BZW1: variants seen among roughly 807,000 people sequenced by gnomAD.
BZW1 encodes basic leucine zipper and W2 domains 1.
In BZW1, 3 loss-of-function variants were observed where a neutral mutation model predicts 54.1. The observed-to-expected ratio is 0.06, with a 90% confidence interval of 0.03 to 0.14. The LOEUF is 0.14. Ranked by LOEUF, BZW1 falls within the 10% of genes least tolerant of loss-of-function variation. BZW1 has a pLI of 1.00. For missense variants in BZW1, 206 were observed against 491.7 expected, an observed-to-expected ratio of 0.42 and a Z score of 5.50; for synonymous variants, 152 against 162.7, an observed-to-expected ratio of 0.93 and a Z score of 0.50.
rs750403466 is a variant in BZW1, at chr2:200,816,317, C to T, written c.337-8C>T. On this transcript the variant is annotated splice_polypyrimidine_tract_variant and splice_region_variant and intron_variant, in intron 4 of 11. Transcript: ENST00000409600. Reference sequence around the variant, plus strand: ...GAAGTTACTGAATTCATTTAATGTTCTTCATAGGTTTTTAACAAGTTAATC... The same window carrying T: ...GAAGTTACTGAATTCATTTAATGTTTTTCATAGGTTTTTAACAAGTTAATC... The T allele has an allele frequency of 1.3e-6, 2 of 1,574,748 alleles. No individual in the cohort carries two copies. The highest frequency in any genetic ancestry group is 1.2e-5 in the South Asian group (1 of 86,426).
chr2:200,812,913 G>A (rs760293979), intron 1 of BZW1: 1 of 661,736 alleles, frequency 1.5e-6, no homozygotes, highest in Non-Finnish European at 2.9e-6. Flanking sequence ...GGAATGTGGA[G>A]AAAACTGAAC....
rs555385389 is a variant in BZW1 at position 200,814,915 on chromosome 2, C to G, written c.65-426C>G. On this transcript the variant is annotated intron_variant, in intron 2 of 11. Transcript: ENST00000409600. ...TGCTCATTAAATGTACTTTCTAAAG[C>G]TCACCTTCATAAATGCCAAAGGATT... Among the ~76,000 whole-genome samples the G allele has an allele frequency of 3.9e-4, 59 of 152,334 alleles. 1 individual carries two copies. In the Middle Eastern group the frequency reaches 0.01, roughly 26 times the overall value.
At position 200,820,135 on chromosome 2, in the gene BZW1, G is replaced by T; in HGVS notation, c.1105+15G>T. On this transcript the variant is annotated intron_variant, in intron 10 of 11. Transcript: ENST00000409600. ...TTTTTATAAAGGTAATTTAGATTTT[G>T]AATTTTGTAAATAACACTTAATAAA... is the stretch of plus-strand genomic sequence containing the variant. 3.3e-6 allele frequency: 5 copies of T among 1,515,666 alleles called. No homozygotes were observed. The highest frequency in any genetic ancestry group is 1.3e-5 in the South Asian group (1 of 78,408). The allele number at this position is 1,515,666 out of a possible 1,614,324, so 93.9% of individuals were successfully genotyped here. A position where few individuals can be genotyped will look rare whatever the true frequency, so the allele number is the denominator to read the frequency against.
At position 200,822,232 on chromosome 2, in the gene BZW1, T is replaced by C; in HGVS notation, c.*54T>C. The stretch of plus-strand genomic sequence containing the variant: ...AACAGGAGTTGTAGATAAAATGTCA[T>C]GTCTCATGTGTCCTGGTTCTTACAT... On this transcript the variant is annotated 3_prime_UTR_variant, in exon 12 of 12. Coordinates refer to ENST00000409600, the MANE Select transcript of BZW1 (RefSeq NM_001207067.2). The C allele has an allele frequency of 6.9e-7, 1 of 1,446,978 alleles. No individual in the cohort carries two copies. The highest frequency in any genetic ancestry group is 1.2e-5 in the South Asian group (1 of 83,106). The allele number at this position is 1,446,978 out of a possible 1,614,324, so 89.6% of individuals were successfully genotyped here. A position where few individuals can be genotyped will look rare whatever the true frequency, so the allele number is the denominator to read the frequency against.
rs2038695080 is a variant in BZW1 at position 200,826,397 on chromosome 2, ATAGATAGATATTTTTTTTTTTTTT to A, written c.*4221_*4244del. 16 of 63,378 alleles carry A rather than the reference ATAGATAGATATTTTTTTTTTTTTT, an allele frequency of 2.5e-4. No homozygotes were observed. Among genetic ancestry groups the A allele is most frequent in the African/African-American group, 6.5e-4 (12 of 18,490 alleles). The allele number at this position is 63,378 out of a possible 1,614,324, so 3.9% of individuals were successfully genotyped here. Reference sequence around the variant, plus strand: ...TATAGATAGATAGATAGATAGATAGATAGATAGATATTTTTTTTTTTTTTTTTTTTTTTTTTTTTTTTTTTGAGA... The same window carrying A: ...TATAGATAGATAGATAGATAGATAGATTTTTTTTTTTTTTTTTTTTTGAGA... On this transcript the variant is annotated 3_prime_UTR_variant, in exon 12 of 12. Coordinates refer to ENST00000409600, the MANE Select transcript of BZW1 (RefSeq NM_001207067.2).
At position 200,815,775 on chromosome 2, in the gene BZW1, T is replaced by G. The variant is rs748304934; in HGVS notation, c.336+14T>G. 2.0e-6 allele frequency: 3 copies of G among 1,525,868 alleles called. No individual in the cohort carries two copies. The South Asian group carries it at 3.8e-5, about 19-fold the overall frequency. 94.5% of individuals were successfully genotyped at this position (1,525,868 alleles called of 1,614,324 possible). On this transcript the variant is annotated intron_variant, in intron 4 of 11. Transcript: ENST00000409600. ...GCATTTGCTCAGGTAAATGAAACTTTACATAATTGTTTTCAGTTGGCTACT... is the reference window on the plus strand; with the variant it reads ...GCATTTGCTCAGGTAAATGAAACTTGACATAATTGTTTTCAGTTGGCTACT...
In BZW1 at chr2:200,826,228, C is replaced by G. The variant is rs1230806214; in HGVS notation, c.*4050C>G. 1 of 152,034 alleles carries G rather than the reference C, an allele frequency of 6.6e-6. No individual in the cohort carries two copies. The highest frequency in any genetic ancestry group is 1.5e-5 in the Non-Finnish European group (1 of 68,014). 9.4% of individuals were successfully genotyped at this position (152,034 alleles called of 1,614,324 possible). A position where few individuals can be genotyped will look rare whatever the true frequency, so the allele number is the denominator to read the frequency against. On this transcript the variant is annotated 3_prime_UTR_variant, in exon 12 of 12. Coordinates refer to ENST00000409600, the MANE Select transcript of BZW1 (RefSeq NM_001207067.2). ...CAGAAAGGCTTTCTGACTCCTTTCTCTTCACTTTTTTCTCCCAGCTTAACT... is the reference window on the plus strand; with the variant it reads ...CAGAAAGGCTTTCTGACTCCTTTCTGTTCACTTTTTTCTCCCAGCTTAACT...
chr2:200,815,668 C>T lies in BZW1; in HGVS notation c.243C>T (p.Ala81=). Residue 81 remains alanine, a splice_region_variant and synonymous_variant, in exon 4 of 12, where the codon GCC becomes GCT. Transcript: ENST00000409600. ...TATTTTGGTTTTATCCAACTTTAGCCCCAGGTGGTACACTGGCAGATGACA... is the reference window on the plus strand; with the variant it reads ...TATTTTGGTTTTATCCAACTTTAGCTCCAGGTGGTACACTGGCAGATGACA... ...FDILVAGGML[A]PGGTLADDMM... 1.3e-6 allele frequency: 2 copies of T among 1,591,938 alleles called. No homozygotes were observed. The highest frequency in any genetic ancestry group is 1.7e-6 in the Non-Finnish European group (2 of 1,168,536).
At chr2:200,812,793 G>A (rs1325490561) in intron 1 of BZW1, 6 of 697,046 alleles carry the variant, frequency 8.6e-6, no homozygotes, top group Non-Finnish European at 2.7e-6. Context: ...CCTTTTGACA[G>A]TGTTTTAGAA....
chr2:200,812,458 C>A, intron 1 of BZW1: 1 of 1,339,806 alleles, frequency 7.5e-7, no homozygotes, highest in South Asian at 1.9e-5. Flanking sequence ...TGACTGTGGT[C>A]CGCTCGTTGC....
intron 6 of BZW1, 151 bp from the exon 7 acceptor site, chr2:200,817,823 G>A: frequency 1.7e-6 from 1 of 572,946 alleles, no homozygotes; most frequent in Non-Finnish European, 3.1e-6. Context: ...TTGGAGAAGT[G>A]ATAAACTGTG....
In BZW1 at chr2:200,826,412, T is replaced by G. The variant is rs1040817212; in HGVS notation, c.*4234T>G. The G allele has an allele frequency of 2.5e-4, 10 of 39,442 alleles. No individual in the cohort carries two copies. The highest frequency in any genetic ancestry group is 1.3e-3 in the African/African-American group (10 of 7,878). The allele number at this position is 39,442 out of a possible 1,614,324, so 2.4% of individuals were successfully genotyped here. On this transcript the variant is annotated 3_prime_UTR_variant, in exon 12 of 12. Coordinates refer to ENST00000409600, the MANE Select transcript of BZW1 (RefSeq NM_001207067.2). ...AGATAGATAGATAGATAGATATTTTTTTTTTTTTTTTTTTTTTTTTTTTTT... is the reference window on the plus strand; with the variant it reads ...AGATAGATAGATAGATAGATATTTTGTTTTTTTTTTTTTTTTTTTTTTTTT...
rs749478280 is a variant in BZW1 at position 200,815,739 on chromosome 2, A to T, written c.314A>T (p.Glu105Val). 10 of 1,577,538 alleles carry T rather than the reference A, an allele frequency of 6.3e-6. No homozygotes were observed. The highest frequency in any genetic ancestry group is 8.6e-6 in the Non-Finnish European group (10 of 1,162,334). The stretch of plus-strand genomic sequence containing the variant: ...GTGTTTGCAGCCCAAGAAGATCTAG[A>T]GACCATGCAAGCATTTGCTCAGGTA... ...VCVFAAQEDL[E>V]TMQAFAQVFN... The change falls in exon 4 of 12, where the codon GAG (glutamate) becomes GTG (valine). Residue 105 changes from glutamate to valine, a missense_variant. Transcript: ENST00000409600.
At chr2:200,812,331 G>T in intron 1 of BZW1, 3 of 1,259,442 alleles carry the variant, frequency 2.4e-6, no homozygotes, top group Non-Finnish European at 2.0e-6. Context: ...GGCTTCCGGC[G>T]GGCGGGGCGG....
rs754502750 is a variant in BZW1, at chr2:200,818,909, A to G, written c.966+8A>G. 1 of 1,558,368 alleles carries G rather than the reference A, an allele frequency of 6.4e-7. No individual in the cohort carries two copies. Among genetic ancestry groups the G allele is most frequent in the East Asian group, 2.3e-5 (1 of 43,346 alleles). The stretch of plus-strand genomic sequence containing the variant: ...GCCATCAAGCACTTGAAGGTATTAG[A>G]ACTATGCCTTGACAAAACAAACTAT... On this transcript the variant is annotated splice_region_variant and intron_variant, in intron 9 of 11. Transcript: ENST00000409600.
rs1011415758 is a variant in BZW1 at position 200,822,255 on chromosome 2, C to G, written c.*77C>G. On this transcript the variant is annotated 3_prime_UTR_variant, in exon 12 of 12. Coordinates refer to ENST00000409600, the MANE Select transcript of BZW1 (RefSeq NM_001207067.2). ...CATGTCTCATGTGTCCTGGTTCTTA[C>G]ATCTTCCTACCTCCCTGTATCAAGC... The G allele has an allele frequency of 1.6e-6, 2 of 1,256,784 alleles. 1 individual carries two copies. The highest frequency in any genetic ancestry group is 2.6e-5 in the South Asian group (2 of 78,082). The allele number at this position is 1,256,784 out of a possible 1,614,324, so 77.9% of individuals were successfully genotyped here. A position where few individuals can be genotyped will look rare whatever the true frequency, so the allele number is the denominator to read the frequency against.
rs979111731 is a variant in BZW1, at chr2:200,827,305, A to C, written c.*5127A>C. On this transcript the variant is annotated 3_prime_UTR_variant, in exon 12 of 12. Transcript: ENST00000409600. ...TGTCTGTACCCTTGAAATGGAATAA[A>C]ATTTCATGAGACTCCTTGTTAATGT... 6.6e-6 allele frequency: 1 copy of C among 152,188 alleles called. No individual in the cohort carries two copies. The highest frequency in any genetic ancestry group is 1.5e-5 in the Non-Finnish European group (1 of 68,030). The allele number at this position is 152,188 out of a possible 1,614,324, so 9.4% of individuals were successfully genotyped here.
At chr2:200,813,497 C>A in intron 2 of BZW1, 1 of 400,060 alleles carries the variant, frequency 2.5e-6, no homozygotes, top group Non-Finnish European at 4.5e-6. Flanking sequence ...ATCTCTAAGC[C>A]GGTTAGTGAA....
In BZW1 at chr2:200,827,076, G is replaced by A. The variant is rs923562656; in HGVS notation, c.*4898G>A. ...TACTCAACAGTCTCTGGCATTTGAA[G>A]AACAAAATATTTTCTCTGTAAATAC... is the stretch of plus-strand genomic sequence containing the variant. On this transcript the variant is annotated 3_prime_UTR_variant, in exon 12 of 12. Transcript: ENST00000409600. The A allele has an allele frequency of 9.2e-5, 14 of 151,994 alleles. No homozygotes were observed. Among genetic ancestry groups the A allele is most frequent in the Non-Finnish European group, 2.1e-4 (14 of 68,006 alleles). 9.4% of individuals were successfully genotyped at this position (151,994 alleles called of 1,614,324 possible). A position where few individuals can be genotyped will look rare whatever the true frequency, so the allele number is the denominator to read the frequency against.
Sources: gnomAD v4.1 joint callset for allele counts (sites outside exome capture counted in the v4.1 genomes callset) on GRCh38, gnomAD v4.1.1 for gene constraint, MANE v1.5 for transcripts, NCBI Gene and HGNC (gene_info 2026-07-23, HGNC 2026-07-21) for gene names.